The following PLXNB1 variants were observed in gnomAD, a reference collection of about 807,000 sequenced individuals.
PLXNB1 encodes plexin B1, also known as plexin-B1.
A neutral mutation model predicts 209.4 loss-of-function variants in PLXNB1; 106 were observed. The ratio of observed to expected loss-of-function variants is 0.51; its 90% CI spans 0.43 to 0.59. The LOEUF (loss-of-function observed/expected upper bound fraction) is 0.59. Among genes scored for constraint, PLXNB1 ranks in the 20% least tolerant of loss-of-function variants. The probability of loss-of-function intolerance (pLI) is 0.00; values close to 1 mark genes in which losing one functional copy is unlikely to be tolerated. For synonymous variants in PLXNB1, 1,167 were observed against 1,183.2 expected (o/e 0.99, Z 0.28); for missense variants, 2,357 against 2,853.2 (o/e 0.83, Z 3.96).
intron 21 of PLXNB1, 49 bp downstream of exon 21, chr3:48,414,750 G>A: frequency 1.3e-5 from 21 of 1,592,636 alleles, no homozygotes; most frequent in Non-Finnish European, 1.8e-5. Context: ...GTGCTGTCCA[G>A]CCAAGGGAAG....
Position 48,415,375 on chromosome 3 carries a change from G to A in PLXNB1, c.3795-28C>T, listed in dbSNP as rs767438000. The A allele has an allele frequency of 2.8e-5, 45 of 1,603,396 alleles. No individual in the cohort carries two copies. The highest frequency in any genetic ancestry group is 3.5e-5 in the Non-Finnish European group (41 of 1,172,600). ...GAAACAGACCGTGAGCTTACGTAACGTAAGATGGCTTATGTTACCTGGACC... is the reference window on the plus strand; with the variant it reads ...GAAACAGACCGTGAGCTTACGTAACATAAGATGGCTTATGTTACCTGGACC... On this transcript the variant is annotated intron_variant, in intron 19 of 37. Transcript: ENST00000296440. This position sits in a 1 kb window ranked among gnomAD's most constrained non-coding sequence, Gnocchi z 5.0.
Position 48,423,585 on chromosome 3 carries a change from G to C in PLXNB1, c.1027C>G (p.Arg343Gly), listed in dbSNP as rs760134829. 1.2e-6 allele frequency: 2 copies of C among 1,614,174 alleles called. No individual in the cohort carries two copies. Among genetic ancestry groups the C allele is most frequent in the Non-Finnish European group, 1.7e-6 (2 of 1,180,042 alleles). The change falls in exon 3 of 38, where the codon CGG becomes GGG. Residue 343 changes from arginine to glycine, a missense_variant. Coordinates refer to ENST00000296440, the MANE Select transcript of PLXNB1 (RefSeq NM_001130082.3). ...GTCCCATCCTCAGCACGACCCTCCCGGGTGTAGCAGGCATCTCGCGTGCGA... is the reference window on the plus strand; with the variant it reads ...GTCCCATCCTCAGCACGACCCTCCCCGGTGTAGCAGGCATCTCGCGTGCGA... The part of the protein sequence containing the change: ...ANRTRDACYT[R>G]EGRAEDGTEV...
rs374420352 is a variant in PLXNB1 at position 48,424,332 on chromosome 3, T to C, written c.280A>G (p.Thr94Ala). 3.7e-5 allele frequency: 57 copies of C among 1,556,440 alleles called. No homozygotes were observed. Among genetic ancestry groups the C allele is most frequent in the Middle Eastern group, 1.7e-4 (1 of 6,010 alleles). The change falls in exon 3 of 38, where the codon ACC (threonine) becomes GCC (alanine). Residue 94 changes from threonine to alanine, a missense_variant. Thr to Ala is a moderately conservative substitution (Grantham distance 58). Coordinates refer to ENST00000296440, the MANE Select transcript of PLXNB1 (RefSeq NM_001130082.3). ...MPDECPQAQP[T>A]NNPNQLLLVS... is the part of the protein sequence containing the mutation. ...AGGAGCAGCTGATTCGGGTTGTTGG[T>C]AGGCTGGGCCTGGGGGCACTCATCA...
intron 1 of PLXNB1, among the ~76,000 whole-genome samples, chr3:48,426,428 G>C (rs1440976414): frequency 6.6e-6 from 1 of 152,238 alleles, no homozygotes; most frequent in Non-Finnish European, 1.5e-5. Flanking sequence ...CCTGTGCCCA[G>C]GCCACGTTGC....
chr3:48,404,985 A>T (rs1310409282), intron 37 of PLXNB1, among the ~76,000 whole-genome samples: 1 of 152,138 alleles, frequency 6.6e-6, no homozygotes, highest in Non-Finnish European at 1.5e-5. Flanking sequence ...TCAAACACGA[A>T]CCACGAATTT....
rs1189407675 is a variant in PLXNB1, at chr3:48,404,455, G to A, written c.*31C>T. ...CTTCCAGGGCTGCCCAGGCCAGGCT[G>A]AAGCAACAGCAGGCCGTGGCTCCTG... On this transcript the variant is annotated 3_prime_UTR_variant, in exon 38 of 38. Coordinates refer to ENST00000296440, the MANE Select transcript of PLXNB1 (RefSeq NM_001130082.3). 6.7e-7 allele frequency: 1 copy of A among 1,484,124 alleles called. No individual in the cohort carries two copies. The highest frequency in any genetic ancestry group is 1.4e-5 in the African/African-American group (1 of 72,404). The allele number at this position is 1,484,124 out of a possible 1,614,324, so 91.9% of individuals were successfully genotyped here. A position where few individuals can be genotyped will look rare whatever the true frequency, so the allele number is the denominator to read the frequency against.
intron 34 of PLXNB1, among the ~76,000 whole-genome samples, chr3:48,408,122 C>T (rs564365767): frequency 6.6e-6 from 1 of 152,254 alleles, no homozygotes; most frequent in East Asian, 1.9e-4. Flanking sequence ...GCCATCCTCC[C>T]ACCTCAGCCT....
At position 48,419,351 on chromosome 3, in the gene PLXNB1, C is replaced by G; in HGVS notation, c.2725G>C (p.Gly909Arg). The G allele has an allele frequency of 6.4e-7, 1 of 1,568,380 alleles. No individual in the cohort carries two copies. The highest frequency in any genetic ancestry group is 2.3e-5 in the East Asian group (1 of 44,146). The change falls in exon 12 of 38, where the codon GGG becomes CGG. Residue 909 changes from glycine to arginine, a missense_variant. Around this residue, in one of 7 missense-constraint regions of PLXNB1, gnomAD observed 410 missense variants for 401.0 expected, o/e 1.02. Transcript: ENST00000296440. This position sits in a 1 kb window ranked among gnomAD's most constrained non-coding sequence, Gnocchi z 5.7. ...GLWELEEATL[G>R]ASSCPCVESV... ...TCCACACAGGGGCAGGAGCTTGCCC[C>G]CAAGGTCGCCTCTTCCTGCAGGCAC...
chr3:48,414,160 C>T (rs1241458511), intron 21 of PLXNB1, 89 bp from the exon 22 acceptor site: 20 of 1,313,484 alleles, frequency 1.5e-5, no homozygotes, highest in East Asian at 2.3e-5. Flanking sequence ...GAGACCCAGC[C>T]GCAGCAGCAA....
rs1192806042 is a variant in PLXNB1 at position 48,429,465 on chromosome 3, C to G, written c.-60+543G>C. 1 of 151,254 alleles carries G rather than the reference C, an allele frequency of 6.6e-6. No individual in the cohort carries two copies. Among genetic ancestry groups the G allele is most frequent in the Non-Finnish European group, 1.5e-5 (1 of 67,678 alleles). 9.4% of individuals were successfully genotyped at this position (151,254 alleles called of 1,614,324 possible). A position where few individuals can be genotyped will look rare whatever the true frequency, so the allele number is the denominator to read the frequency against. On this transcript the variant is annotated intron_variant, in intron 1 of 37. Transcript: ENST00000296440. This position sits in a 1 kb window ranked among gnomAD's most constrained non-coding sequence, Gnocchi z 6.4. ...GAGACAAAGCCGCGTCGGCCGGGCTCGTCTCCGCTCCTTCCCCCTCGCCTG... is the reference window on the plus strand; with the variant it reads ...GAGACAAAGCCGCGTCGGCCGGGCTGGTCTCCGCTCCTTCCCCCTCGCCTG...
In PLXNB1 at chr3:48,422,113, G is replaced by A; in HGVS notation, c.1512C>T (p.Leu504=). 1 of 1,613,770 alleles carries A rather than the reference G, an allele frequency of 6.2e-7. No individual in the cohort carries two copies. The highest frequency in any genetic ancestry group is 8.5e-7 in the Non-Finnish European group (1 of 1,179,668). ...GGGGTCAGAAATCTGACCTGCCAAG[G>A]AGCACGCACCACCCACAGTATGGGT... is the stretch of plus-strand genomic sequence containing the variant. ...HRDPYCGWCV[L]LGRCSRRSEC... is the part of the protein sequence containing the mutation. The change falls in exon 6 of 38, where the codon CTC becomes CTT. Residue 504 remains leucine, a synonymous_variant. Transcript: ENST00000296440.
Position 48,419,440 on chromosome 3 carries a change from A to G in PLXNB1, c.2710-74T>C. ...TCAGCCCTCTGCCTTGCCAGATTCC[A>G]GAGGCAAGGCCGGTGTGGGGCTGCA... is the stretch of plus-strand genomic sequence containing the variant. On this transcript the variant is annotated intron_variant, in intron 11 of 37. Transcript: ENST00000296440. This position sits in a 1 kb window ranked among gnomAD's most constrained non-coding sequence, Gnocchi z 5.7. 6.6e-7 allele frequency: 1 copy of G among 1,509,734 alleles called. No homozygotes were observed. The highest frequency in any genetic ancestry group is 1.3e-5 in the South Asian group (1 of 76,062). The allele number at this position is 1,509,734 out of a possible 1,614,324, so 93.5% of individuals were successfully genotyped here.
In PLXNB1 at chr3:48,409,452, A is replaced by G. The variant is rs1484955076; in HGVS notation, c.5964T>C (p.Asn1988=). 6.2e-7 allele frequency: 1 copy of G among 1,613,968 alleles called. No homozygotes were observed. The highest frequency in any genetic ancestry group is 1.3e-5 in the African/African-American group (1 of 74,888). Residue 1988 remains asparagine (N), a synonymous_variant, in exon 34 of 38, where the codon AAT becomes AAC. Transcript: ENST00000296440. The surrounding 1 kb of genome is among the most constrained non-coding windows in gnomAD (Gnocchi z 5.8). ...TNSLPLRFWI[N]IIKNPQFVFD... ...ACACAAACTGCGGGTTTTTTATTATATTGATCCAGAACCTCAGAGGCAAGC... is the reference window on the plus strand; with the variant it reads ...ACACAAACTGCGGGTTTTTTATTATGTTGATCCAGAACCTCAGAGGCAAGC...
Position 48,409,655 on chromosome 3 carries a change from T to G in PLXNB1, c.5855A>C (p.Lys1952Thr). Residue 1952 changes from lysine to threonine, a missense_variant, in exon 33 of 38, where the codon AAG becomes ACG. This residue lies in a region of PLXNB1 where 414 missense variants were observed against 520.5 expected (regional missense o/e 0.80). Transcript: ENST00000296440. This position sits in a 1 kb window ranked among gnomAD's most constrained non-coding sequence, Gnocchi z 5.8. ...CTCATCCAGCAGGTCAAAGAAGTAC[T>G]TCACAGCGAGCGGCACGGGGCGGCT... ...STSRPVPLAV[K>T]YFFDLLDEQA... 1 of 1,613,942 alleles carries G rather than the reference T, an allele frequency of 6.2e-7. No homozygotes were observed. Among genetic ancestry groups the G allele is most frequent in the Non-Finnish European group, 8.5e-7 (1 of 1,179,990 alleles).
At position 48,418,942 on chromosome 3, in the gene PLXNB1, C is replaced by A; in HGVS notation, c.2930G>T (p.Cys977Phe). The A allele has an allele frequency of 1.2e-6, 2 of 1,614,036 alleles. No individual in the cohort carries two copies. The highest frequency in any genetic ancestry group is 1.7e-6 in the Non-Finnish European group (2 of 1,180,004). The change falls in exon 13 of 38, where the codon TGC becomes TTC. Residue 977 changes from cysteine to phenylalanine, a missense_variant. Cys to Phe is a radical substitution (Grantham distance 205). This residue lies in a region of PLXNB1 where 410 missense variants were observed against 401.0 expected (regional missense o/e 1.02). Transcript: ENST00000296440. The surrounding 1 kb of genome is among the most constrained non-coding windows in gnomAD (Gnocchi z 6.6). ...CTGGTGCTGCTGGCAGGTGACATGG[C>A]ACTGGGTATCTGGAGGTGGCTCACA... ...VECEPPPDTQCHVTCQQHQLS... is the reference protein window; with the variant it reads ...VECEPPPDTQFHVTCQQHQLS...
rs2038683617 is a variant in PLXNB1 at position 48,423,634 on chromosome 3, CA to C, written c.977del (p.Leu326ArgfsTer80). ...SGASALCAFPLDEVDRLANRT... is the reference protein window; with the variant it reads ...SGASALCAFPXDEVDRLANRT... ...GATTAGCAAGCCGGTCCACCTCATC[CA>C]GGGGGAAGGCACAGAGGGCAGAGGC... On this transcript the variant is annotated frameshift_variant, in exon 3 of 38. Coordinates refer to ENST00000296440, the MANE Select transcript of PLXNB1 (RefSeq NM_001130082.3). LOFTEE classifies it high-confidence loss of function. The C allele has an allele frequency of 6.2e-7, 1 of 1,614,206 alleles. No homozygotes were observed. Among genetic ancestry groups the C allele is most frequent in the Non-Finnish European group, 8.5e-7 (1 of 1,180,028 alleles).
In PLXNB1 at chr3:48,409,760, G is replaced by A; in HGVS notation, c.5779-29C>T. The stretch of plus-strand genomic sequence containing the variant: ...TGGGAAGGAAGAAGCAGAGAGGTGT[G>A]GTCAGCAAAGGGCCCTCAGCAGCAG... On this transcript the variant is annotated intron_variant, in intron 32 of 37. Coordinates refer to ENST00000296440, the MANE Select transcript of PLXNB1 (RefSeq NM_001130082.3). This position sits in a 1 kb window ranked among gnomAD's most constrained non-coding sequence, Gnocchi z 5.8. 6.2e-7 allele frequency: 1 copy of A among 1,607,596 alleles called. No individual in the cohort carries two copies.
rs1024793233 is a variant in PLXNB1 at position 48,415,929 on chromosome 3, A to C, written c.3617+102T>G. On this transcript the variant is annotated intron_variant, in intron 18 of 37. Coordinates refer to ENST00000296440, the MANE Select transcript of PLXNB1 (RefSeq NM_001130082.3). The surrounding 1 kb of genome is among the most constrained non-coding windows in gnomAD (Gnocchi z 5.0). ...GGGTCTGGCCACTCTCTGAAGGAGC[A>C]GACTGGCCCTCTTCCCCTTTCTGCT... The C allele has an allele frequency of 4.6e-5, 65 of 1,422,102 alleles. No homozygotes were observed. The highest frequency in any genetic ancestry group is 6.2e-5 in the Non-Finnish European group (65 of 1,049,634). 88.1% of individuals were successfully genotyped at this position (1,422,102 alleles called of 1,614,324 possible). A position where few individuals can be genotyped will look rare whatever the true frequency, so the allele number is the denominator to read the frequency against.
At position 48,410,015 on chromosome 3, in the gene PLXNB1, T is replaced by C; in HGVS notation, c.5668A>G (p.Ser1890Gly). ...GIRPWHLVKP[S>G]DEPEPPRPRR... ...GGCCTGGGCGGCTCCGGCTCATCAC[T>C]TGGCTTCACCAGGTGCCAGGGCCGG... The change falls in exon 32 of 38, where the codon AGT (serine) becomes GGT (glycine). Residue 1890 changes from serine to glycine, a missense_variant. Around this residue, in one of 7 missense-constraint regions of PLXNB1, gnomAD observed 414 missense variants for 520.5 expected, o/e 0.80. Coordinates refer to ENST00000296440, the MANE Select transcript of PLXNB1 (RefSeq NM_001130082.3). This position sits in a 1 kb window ranked among gnomAD's most constrained non-coding sequence, Gnocchi z 6.4. 6.2e-7 allele frequency: 1 copy of C among 1,612,586 alleles called. No individual in the cohort carries two copies. Among genetic ancestry groups the C allele is most frequent in the Non-Finnish European group, 8.5e-7 (1 of 1,179,398 alleles).
Sources: allele counts gnomAD v4.1 joint callset (sites outside exome capture counted in the v4.1 genomes callset), GRCh38; gene constraint gnomAD v4.1.1; regional missense constraint gnomAD v4.1.1; non-coding constraint Gnocchi (gnomAD v3.1); transcripts MANE v1.5; gene names NCBI Gene and HGNC (gene_info 2026-07-23, HGNC 2026-07-21).